ZNF804B: variants seen among roughly 807,000 people sequenced by gnomAD.
ZNF804B encodes zinc finger 804B.
In ZNF804B, 80 loss-of-function variants were observed where a neutral mutation model predicts 101.4. That is an observed-to-expected ratio of 0.79 (90% confidence interval 0.66 to 0.95). ZNF804B has a LOEUF of 0.95. Ranked by LOEUF, ZNF804B falls within the 40% of genes least tolerant of loss-of-function variation. The pLI is 0.00. For synonymous variants in ZNF804B, 622 were observed against 558.8 expected (o/e 1.11, Z -1.59); for missense variants, 1,673 against 1,561.9 (o/e 1.07, Z -1.20).
At chr7:88,863,489 T>C (rs934409356) in intron 1 of ZNF804B, among the ~76,000 whole-genome samples, 1 of 152,218 alleles carries the variant, frequency 6.6e-6, no homozygotes, top group Non-Finnish European at 1.5e-5. Context: ...CCATGTTACA[T>C]GTAACTGGAG....
chr7:89,219,692 G>C (rs4283972), intron 2 of ZNF804B, among the ~76,000 whole-genome samples: 1 of 150,860 alleles, frequency 6.6e-6, no homozygotes, highest in Non-Finnish European at 1.5e-5. Flanking sequence ...GCTGTAACAA[G>C]GTACACATTC....
At position 89,285,111 on chromosome 7, in the gene ZNF804B, T is replaced by C. The variant is rs139398996; in HGVS notation, c.250-42233T>C. Among the ~76,000 whole-genome samples the C allele has an allele frequency of 2.0e-3, 311 of 152,090 alleles. 1 individual carries two copies. Among genetic ancestry groups the C allele is most frequent in the African/African-American group, 7.3e-3 (304 of 41,494 alleles). On this transcript the variant is annotated intron_variant, in intron 2 of 3. Transcript: ENST00000333190. ...GTGCACTCCTATAGTCCCAACTATT[T>C]GGAAGGCTGAGGCAGGAGGATAGCT...
At chr7:88,962,359 T>G (rs888376164) in intron 1 of ZNF804B, among the ~76,000 whole-genome samples, 22 of 151,190 alleles carry the variant, frequency 1.5e-4, no homozygotes, top group African/African-American at 5.1e-4. Flanking sequence ...GTTGTATCAG[T>G]GTAGCAGTCA....
chr7:88,870,310 G>A (rs560812604), intron 1 of ZNF804B, among the ~76,000 whole-genome samples: 6 of 147,782 alleles, frequency 4.1e-5, no homozygotes, highest in East Asian at 4.0e-4. Flanking sequence ...GCGTGAACCC[G>A]GGAGGCGGAG....
At chr7:89,103,063 T>TGTTTG (rs1173349882) in intron 1 of ZNF804B, among the ~76,000 whole-genome samples, 1 of 134,036 alleles carries the variant, frequency 7.5e-6, no homozygotes, top group African/African-American at 3.0e-5. Flanking sequence ...TTTTTTTTTT[T>TGTTTG]TTTTTTTTTT....
At chr7:89,283,016 A>G (rs1355416244) in intron 2 of ZNF804B, among the ~76,000 whole-genome samples, 1 of 152,256 alleles carries the variant, frequency 6.6e-6, no homozygotes, top group Non-Finnish European at 1.5e-5. Context: ...GGAAATTAAT[A>G]CAATAAGAGA....
intron 1 of ZNF804B, among the ~76,000 whole-genome samples, chr7:88,921,903 A>G (rs1251650985): frequency 6.6e-6 from 1 of 152,120 alleles, no homozygotes; most frequent in African/African-American, 2.4e-5. Flanking sequence ...CTACTGATAT[A>G]TAACTAGCTG....
At chr7:88,965,402 A>G (rs141598521) in intron 1 of ZNF804B, among the ~76,000 whole-genome samples, 48 of 151,544 alleles carry the variant, frequency 3.2e-4, no homozygotes, top group African/African-American at 9.6e-4. Flanking sequence ...CCATGCGTAG[A>G]GTGGATATAG....
chr7:89,185,437 TAGTAAC>T (rs1323764951), intron 1 of ZNF804B, among the ~76,000 whole-genome samples: 1 of 152,178 alleles, frequency 6.6e-6, no homozygotes, highest in African/African-American at 2.4e-5. Flanking sequence ...CCCTGTGCCA[TAGTAAC>T]TCTGAACCTT....
chr7:88,761,966 G>T (rs1039502633), intron 1 of ZNF804B, among the ~76,000 whole-genome samples: 6 of 152,120 alleles, frequency 3.9e-5, no homozygotes, highest in African/African-American at 1.4e-4. Flanking sequence ...GGAGAAGACA[G>T]CCCATTGACC....
chr7:89,111,627 A>G (rs990097698), intron 1 of ZNF804B, among the ~76,000 whole-genome samples: 8 of 152,100 alleles, frequency 5.3e-5, no homozygotes, highest in Admixed American at 4.6e-4. Flanking sequence ...CTTATCACAT[A>G]TGTGTTTTGC....
At chr7:88,880,037 C>G (rs1159819011) in intron 1 of ZNF804B, among the ~76,000 whole-genome samples, 1 of 132,652 alleles carries the variant, frequency 7.5e-6, no homozygotes, top group Non-Finnish European at 1.5e-5. Flanking sequence ...CACAGCGAGA[C>G]TGTCTTAAAA....
chr7:88,871,925 G>A (rs551237622), intron 1 of ZNF804B, among the ~76,000 whole-genome samples: 23 of 152,100 alleles, frequency 1.5e-4, no homozygotes, highest in East Asian at 1.2e-3. Context: ...CCAAGATTGC[G>A]CCATTACACT....
At chr7:89,177,183 GT>G (rs1312456129) in intron 1 of ZNF804B, among the ~76,000 whole-genome samples, 3 of 151,904 alleles carry the variant, frequency 2.0e-5, no homozygotes, top group African/African-American at 7.3e-5. Flanking sequence ...TGCTTTTTTA[GT>G]TATTTAAGAT....
chr7:89,265,186 C>A lies in ZNF804B; in HGVS notation c.249+46891C>A, dbSNP rs1330490418. Among the ~76,000 whole-genome samples the A allele has an allele frequency of 2.0e-5, 3 of 151,966 alleles. No individual in the cohort carries two copies. In the South Asian group the frequency reaches 6.2e-4, roughly 32 times the overall value. ...CCACAATTGATGATAGATGAAATGG[C>A]AAGGGTGAAGAAAAGTGAAGCATCT... On this transcript the variant is annotated intron_variant, in intron 2 of 3. Transcript: ENST00000333190.
intron 1 of ZNF804B, among the ~76,000 whole-genome samples, chr7:88,872,910 A>G (rs1424047869): frequency 2.0e-5 from 3 of 151,750 alleles, no homozygotes; most frequent in Admixed American, 6.6e-5. Context: ...TGCTATTGTG[A>G]ATAATGCCGC....
intron 1 of ZNF804B, among the ~76,000 whole-genome samples, chr7:88,777,294 G>T (rs1046447690): frequency 2.0e-5 from 3 of 152,190 alleles, no homozygotes; most frequent in African/African-American, 7.2e-5. Flanking sequence ...AGATGCTAAG[G>T]CAGTTGGACA....
intron 1 of ZNF804B, among the ~76,000 whole-genome samples, chr7:89,123,961 A>G (rs1031044220): frequency 6.6e-6 from 1 of 152,156 alleles, no homozygotes; most frequent in Non-Finnish European, 1.5e-5. Context: ...GAAGTCTGAA[A>G]CACAACAAAG....
chr7:88,839,423 G>A (rs1372170029), intron 1 of ZNF804B, among the ~76,000 whole-genome samples: 1 of 151,844 alleles, frequency 6.6e-6, no homozygotes, highest in Non-Finnish European at 1.5e-5. Flanking sequence ...GTTTCCTTAG[G>A]AGGAATACTG....
Sources: allele counts gnomAD v4.1 joint callset (sites outside exome capture counted in the v4.1 genomes callset), GRCh38; gene constraint gnomAD v4.1.1; transcripts MANE v1.5; gene names NCBI Gene and HGNC (gene_info 2026-07-23, HGNC 2026-07-21).